Variants in KCND2 observed in about 807,000 individuals in gnomAD.
KCND2 encodes the protein A-type voltage-gated potassium channel KCND2.
In KCND2, 16 loss-of-function variants were observed where a neutral mutation model predicts 54.4. The observed-to-expected ratio is 0.29, with a 90% CI of 0.20 to 0.45. The LOEUF is 0.45. Among genes scored for constraint, KCND2 ranks in the 20% least tolerant of loss-of-function variants. KCND2 has a pLI of 1.00. For synonymous variants in KCND2, 317 were observed against 310.7 expected, an observed-to-expected ratio of 1.02 and a Z score of -0.21; for missense variants, 486 against 824.2, an observed-to-expected ratio of 0.59 and a Z score of 5.02.
At position 120,275,638 on chromosome 7, in the gene KCND2, A is replaced by G; in HGVS notation, c.1006A>G (p.Ile336Val). The change falls in exon 1 of 6, where the codon ATC (isoleucine) becomes GTC (valine). Residue 336 changes from isoleucine (I) to valine (V), a missense_variant. This residue lies in a region of KCND2 where 23 missense variants were observed against 33.7 expected (regional missense o/e 0.68). Transcript: ENST00000331113. Reference sequence around the variant, plus strand: ...GCTTTTCTCGCTCACCATGGCTATCATCATCTTCGCTACAGTTATGTTCTA... The same window carrying G: ...GCTTTTCTCGCTCACCATGGCTATCGTCATCTTCGCTACAGTTATGTTCTA... ...FLLFSLTMAI[I>V]IFATVMFYAE... The G allele has an allele frequency of 6.2e-7, 1 of 1,608,626 alleles. No homozygotes were observed. Among genetic ancestry groups the G allele is most frequent in the African/African-American group, 1.3e-5 (1 of 74,934 alleles).
intron 1 of KCND2, among the ~76,000 whole-genome samples, chr7:120,567,948 G>C (rs994193427): frequency 1.3e-5 from 2 of 152,024 alleles, no homozygotes; most frequent in South Asian, 4.1e-4. Context: ...AATGATGCAT[G>C]TAATATTCTT....
chr7:120,493,050 C>T (rs1245498983), intron 1 of KCND2, among the ~76,000 whole-genome samples: 1 of 151,934 alleles, frequency 6.6e-6, no homozygotes, highest in African/African-American at 2.4e-5. Context: ...CCAAAGCCTC[C>T]ACCTCTGAAT....
chr7:120,624,899 G>A (rs1793146780), intron 1 of KCND2, among the ~76,000 whole-genome samples: 1 of 152,122 alleles, frequency 6.6e-6, no homozygotes, highest in African/African-American at 2.4e-5. Context: ...CAATGGTAGA[G>A]CAAGCAAGCA....
chr7:120,477,286 G>A (rs1331785697), intron 1 of KCND2, among the ~76,000 whole-genome samples: 1 of 152,102 alleles, frequency 6.6e-6, no homozygotes, highest in East Asian at 1.9e-4. Flanking sequence ...TATGGACTTT[G>A]CGTGATAAAA....
At chr7:120,599,362 A>G (rs1648042235) in intron 1 of KCND2, among the ~76,000 whole-genome samples, 1 of 149,814 alleles carries the variant, frequency 6.7e-6, no homozygotes, top group Non-Finnish European at 1.5e-5. Flanking sequence ...TATTTGTCTC[A>G]AAAAAAAATC....
At chr7:120,312,137 C>T (rs1584724750) in intron 1 of KCND2, among the ~76,000 whole-genome samples, 2 of 152,238 alleles carry the variant, frequency 1.3e-5, no homozygotes, top group Middle Eastern at 3.4e-3. Flanking sequence ...AAACTCCTGA[C>T]CTCAGATGAT....
At chr7:120,425,184 A>G (rs967844423) in intron 1 of KCND2, among the ~76,000 whole-genome samples, 5 of 152,210 alleles carry the variant, frequency 3.3e-5, no homozygotes, top group African/African-American at 1.2e-4. Context: ...AACTGAGCAT[A>G]TAATGGAGTG....
chr7:120,595,469 A>G (rs1792728141), intron 1 of KCND2, among the ~76,000 whole-genome samples: 1 of 128,312 alleles, frequency 7.8e-6, no homozygotes, highest in Non-Finnish European at 1.6e-5. Context: ...AAATATATAT[A>G]TATATATATA....
chr7:120,376,352 G>A (rs1800835168), intron 1 of KCND2, among the ~76,000 whole-genome samples: 1 of 151,454 alleles, frequency 6.6e-6, no homozygotes, highest in Non-Finnish European at 1.5e-5. Flanking sequence ...AACTTTTAAA[G>A]AACTAATTTT....
At chr7:120,677,548 GATAT>G (rs754799759) in intron 1 of KCND2, among the ~76,000 whole-genome samples, 6 of 122,680 alleles carry the variant, frequency 4.9e-5, no homozygotes, top group African/African-American at 2.0e-4. Flanking sequence ...TATAGATATA[GATAT>G]ATAGATATAT....
intron 2 of KCND2, 73 bp from the exon 3 acceptor site, chr7:120,741,461 T>C: frequency 1.0e-6 from 1 of 1,004,368 alleles, no homozygotes. Context: ...AATAGGATTA[T>C]ACAAGGGTTC....
In KCND2 at chr7:120,301,938, A is replaced by G. The variant is rs1799590426; in HGVS notation, c.1115+26191A>G. Among the ~76,000 whole-genome samples the G allele has an allele frequency of 3.9e-5, 6 of 152,290 alleles. No homozygotes were observed. In the South Asian group the frequency reaches 1.2e-3, roughly 32 times the overall value. On this transcript the variant is annotated intron_variant, in intron 1 of 5. Coordinates refer to ENST00000331113, the MANE Select transcript of KCND2 (RefSeq NM_012281.3). ...TCCAAAATGCGTGTTTTCTGGAATC[A>G]TATGTATGATTTCAATATCCCTGCA...
chr7:120,349,022 A>G (rs1800363531), intron 1 of KCND2, among the ~76,000 whole-genome samples: 2 of 152,154 alleles, frequency 1.3e-5, no homozygotes, highest in Non-Finnish European at 2.9e-5. Context: ...TATCTGTGGT[A>G]TAGCTTCCCA....
chr7:120,599,040 T>C (rs1792782885), intron 1 of KCND2, among the ~76,000 whole-genome samples: 1 of 152,210 alleles, frequency 6.6e-6, no homozygotes, highest in Admixed American at 6.5e-5. Flanking sequence ...CTTTTTGGAA[T>C]GTGAATGTCC....
chr7:120,613,967 C>T (rs575609717), intron 1 of KCND2, among the ~76,000 whole-genome samples: 10 of 151,176 alleles, frequency 6.6e-5, no homozygotes, highest in East Asian at 1.9e-4. Flanking sequence ...ATGTATAAAA[C>T]GATTTTTAGA....
At position 120,349,059 on chromosome 7, in the gene KCND2, G is replaced by A. The variant is rs577438071; in HGVS notation, c.1115+73312G>A. Among the ~76,000 whole-genome samples the A allele has an allele frequency of 3.9e-5, 6 of 152,200 alleles. No individual in the cohort carries two copies. The East Asian group carries it at 1.2e-3, about 29-fold the overall frequency. On this transcript the variant is annotated intron_variant, in intron 1 of 5. Coordinates refer to ENST00000331113, the MANE Select transcript of KCND2 (RefSeq NM_012281.3). Reference sequence around the variant, plus strand: ...GAATAATTTTAGTTAGCTCACTACAGAACTAATACCATTACACTCCATTAA... The same window carrying A: ...GAATAATTTTAGTTAGCTCACTACAAAACTAATACCATTACACTCCATTAA...
chr7:120,618,149 CT>C (rs772777785), intron 1 of KCND2, among the ~76,000 whole-genome samples: 14 of 152,138 alleles, frequency 9.2e-5, no homozygotes, highest in Non-Finnish European at 1.5e-4. Flanking sequence ...CATGTACCCC[CT>C]GAACCAAAAA....
At chr7:120,399,037 T>A (rs73433825) in intron 1 of KCND2, among the ~76,000 whole-genome samples, 4,069 of 152,042 alleles carry the variant, frequency 0.027, 163 homozygotes, top group African/African-American at 0.089. Flanking sequence ...TCTTTGCTTG[T>A]ACTTCCTCTT....
At chr7:120,610,992 C>T (rs1444268839) in intron 1 of KCND2, among the ~76,000 whole-genome samples, 2 of 152,176 alleles carry the variant, frequency 1.3e-5, no homozygotes, top group African/African-American at 2.4e-5. Context: ...TGAAAACGCC[C>T]ATCTTGCTAT....
Sources: allele counts gnomAD v4.1 joint callset (sites outside exome capture counted in the v4.1 genomes callset), GRCh38; gene constraint gnomAD v4.1.1; regional missense constraint gnomAD v4.1.1; transcripts MANE v1.5; gene names NCBI Gene and HGNC (gene_info 2026-07-23, HGNC 2026-07-21).